Variants in FAM83A observed in about 807,000 individuals in gnomAD.
FAM83A encodes the protein scaffolding CK1 anchoring protein A, also known as protein FAM83A.
Under a neutral mutation model 24.4 loss-of-function variants are expected in FAM83A, and 21 were observed. That is an observed-to-expected ratio of 0.86 (90% confidence interval 0.61 to 1.24). The LOEUF is 1.24. Among genes scored for constraint, FAM83A ranks in the 50% most tolerant of loss-of-function variants. The pLI is 0.00. For missense variants in FAM83A, 617 were observed against 579.8 expected (o/e 1.06, Z -0.66); for synonymous variants, 270 against 252.4 (o/e 1.07, Z -0.66).
chr8:123,199,538 C>T (rs1466233857), intron 3 of FAM83A, among the ~76,000 whole-genome samples: 1 of 152,112 alleles, frequency 6.6e-6, no homozygotes, highest in Non-Finnish European at 1.5e-5. Context: ...AGTTCGAGAC[C>T]AGCCAGACCA....
upstream of FAM83A, chr8:123,182,112 G>A (rs1229838364): frequency 2.2e-6 from 1 of 456,264 alleles, no homozygotes; most frequent in Non-Finnish European, 4.4e-6. Flanking sequence ...GCCACTTCCA[G>A]CGAGGAAGCG....
intron 1 of FAM83A, among the ~76,000 whole-genome samples, chr8:123,184,737 A>AG: frequency 6.6e-6 from 1 of 152,350 alleles, no homozygotes; most frequent in South Asian, 2.1e-4. Flanking sequence ...GCAGAGGGGC[A>AG]GGGGAGAATG....
intron 1 of FAM83A, among the ~76,000 whole-genome samples, chr8:123,186,636 C>T (rs570888652): frequency 2.8e-4 from 42 of 152,206 alleles, no homozygotes; most frequent in African/African-American, 9.6e-4. Context: ...TCAAGACCAG[C>T]CTGGCCAAGA....
chr8:123,207,941 G>T, exon 4 of FAM83A: 1 of 1,233,904 alleles, frequency 8.1e-7, no homozygotes, highest in Non-Finnish European at 1.0e-6. Flanking sequence ...GCAGCTAGAG[G>T]ACAAAATCAT....
At chr8:123,191,723 G>A (rs1447714518) in intron 1 of FAM83A, 80 bp from the exon 2 acceptor site, 10 of 1,496,598 alleles carry the variant, frequency 6.7e-6, no homozygotes, top group Non-Finnish European at 9.2e-6. Flanking sequence ...CAGGCCCACT[G>A]GGACTCAGGC....
rs562519864 is a variant in FAM83A, at chr8:123,183,124, G to A, written c.268G>A (p.Ala90Thr). 6.0e-5 allele frequency: 97 copies of A among 1,613,930 alleles called. No individual in the cohort carries two copies. The South Asian group carries it at 9.2e-4, about 15-fold the overall frequency. ...CCCAGACACCCTGGGAGGGGCGGAA[G>A]CAGGCCCTAAGGGACTGGACTCCAG... Residue 90 changes from alanine (A) to threonine (T), a missense_variant, in exon 1 of 4, where the codon GCA (alanine) becomes ACA (threonine). By Grantham distance (58) the Ala-to-Thr change is moderately conservative. Coordinates refer to ENST00000690554, the Ensembl canonical transcript of FAM83A.
exon 1 of FAM83A, chr8:123,182,763 G>A (rs779730009): frequency 5.4e-6 from 8 of 1,490,664 alleles, no homozygotes; most frequent in South Asian, 1.4e-5. Context: ...GGGGGTGCGG[G>A]AGCCCCACTC....
At chr8:123,200,105 AT>A (rs1824298987) in intron 3 of FAM83A, 1 of 152,294 alleles carries the variant, frequency 6.6e-6, no homozygotes, top group Admixed American at 6.5e-5. Context: ...AAGGAAAACA[AT>A]TGTGTTATCA....
At chr8:123,198,820 C>T (rs1824248447) in intron 3 of FAM83A, among the ~76,000 whole-genome samples, 1 of 152,222 alleles carries the variant, frequency 6.6e-6, no homozygotes, top group African/African-American at 2.4e-5. Flanking sequence ...TCACTGCAGC[C>T]TCAGCCTCCT....
exon 1 of FAM83A, chr8:123,182,829 C>A (rs1823643165): frequency 4.0e-6 from 6 of 1,516,006 alleles, no homozygotes; most frequent in African/African-American, 1.4e-5. Flanking sequence ...GTGCCAGCCT[C>A]CCCCAGCACC....
Position 123,209,005 on chromosome 8 carries a change from G to A in FAM83A, c.*1317G>A, listed in dbSNP as rs1824651228. The A allele has an allele frequency of 3.0e-6, 3 of 988,210 alleles. No individual in the cohort carries two copies. Among genetic ancestry groups the A allele is most frequent in the African/African-American group, 1.7e-5 (1 of 57,342 alleles). The allele number at this position is 988,210 out of a possible 1,614,324, so 61.2% of individuals were successfully genotyped here. A position where few individuals can be genotyped will look rare whatever the true frequency, so the allele number is the denominator to read the frequency against. On this transcript the variant is annotated 3_prime_UTR_variant, in exon 4 of 4. Transcript: ENST00000690554. This position sits in a 1 kb window ranked among gnomAD's most constrained non-coding sequence, Gnocchi z 4.7. ...AAGAGAGAGAGCATAGAGGAGGGTTGGCCAGCCCTGTGGTGGGTGGGATGT... is the reference window on the plus strand; with the variant it reads ...AAGAGAGAGAGCATAGAGGAGGGTTAGCCAGCCCTGTGGTGGGTGGGATGT...
At chr8:123,207,520 G>A (rs749071428) in exon 4 of FAM83A, 171 of 1,570,186 alleles carry the variant, frequency 1.1e-4, no homozygotes, top group African/African-American at 1.5e-4. Context: ...GGGGAGCCCC[G>A]AGTCCCCAGG....
intron 3 of FAM83A, among the ~76,000 whole-genome samples, chr8:123,206,352 A>G (rs1355680913): frequency 6.6e-6 from 1 of 151,704 alleles, no homozygotes; most frequent in East Asian, 2.0e-4. Context: ...CTCCTCCTCC[A>G]CTCATCCCTG....
At chr8:123,185,148 G>A (rs1220369011) in intron 1 of FAM83A, among the ~76,000 whole-genome samples, 3 of 152,172 alleles carry the variant, frequency 2.0e-5, no homozygotes, top group African/African-American at 4.8e-5. Flanking sequence ...GAGTGCCCAC[G>A]CTGCCTTTGT....
upstream of FAM83A, chr8:123,181,945 G>A (rs1273943916): frequency 3.0e-5 from 13 of 436,568 alleles, no homozygotes; most frequent in African/African-American, 1.2e-4. Context: ...GCCAGATCAC[G>A]ATCTGATCTG....
intron 3 of FAM83A, chr8:123,202,853 T>C (rs1483774214): frequency 1.3e-5 from 2 of 152,094 alleles, no homozygotes; most frequent in Non-Finnish European, 2.9e-5. Flanking sequence ...GGTCATGATG[T>C]TAAATGTGCT....
At chr8:123,181,211 T>G (rs1204863560), upstream of FAM83A, among the ~76,000 whole-genome samples, 1 of 152,220 alleles carries the variant, frequency 6.6e-6, no homozygotes, top group African/African-American at 2.4e-5. Context: ...CCTCCCAAAG[T>G]GCTGGGATTA....
chr8:123,188,127 G>A (rs1228071633), intron 1 of FAM83A, among the ~76,000 whole-genome samples: 5 of 151,684 alleles, frequency 3.3e-5, no homozygotes, highest in African/African-American at 9.7e-5. Context: ...TGCCCACCTC[G>A]GCCTCCCAAA....
At chr8:123,191,817 G>A (rs1823984311) in exon 2 of FAM83A, 2 of 1,613,812 alleles carry the variant, frequency 1.2e-6, no homozygotes, top group Non-Finnish European at 8.5e-7. Flanking sequence ...TGGTCATCCT[G>A]ATGGATGTGT....
Sources: gnomAD v4.1 joint callset for allele counts (sites outside exome capture counted in the v4.1 genomes callset) on GRCh38, gnomAD v4.1.1 for gene constraint, Gnocchi (gnomAD v3.1) non-coding constraint, MANE v1.5 for transcripts, NCBI Gene and HGNC (gene_info 2026-07-23, HGNC 2026-07-21) for gene names.